Variants in SOX6 observed in about 807,000 individuals in gnomAD.
SOX6 encodes the protein transcription factor SOX-6.
A neutral mutation model predicts 97.8 loss-of-function variants in SOX6; 11 were observed. The observed-to-expected ratio is 0.11, with a 90% confidence interval of 0.07 to 0.19. SOX6 has a LOEUF of 0.19. Ranked by LOEUF, SOX6 falls within the 10% of genes least tolerant of loss-of-function variation. The pLI is 1.00. For synonymous variants in SOX6, 360 were observed against 371.4 expected (o/e 0.97, Z 0.35); for missense variants, 810 against 1,039.5 (o/e 0.78, Z 3.04).
chr11:16,657,766 C>T (rs560937643), intron 3 of SOX6, among the ~76,000 whole-genome samples: 3 of 152,206 alleles, frequency 2.0e-5, no homozygotes, highest in Admixed American at 2.0e-4. Flanking sequence ...TGTTTCTTTG[C>T]CATTTCTTCT....
chr11:16,397,281 G>T (rs1005125003), intron 1 of SOX6, among the ~76,000 whole-genome samples: 1 of 151,234 alleles, frequency 6.6e-6, no homozygotes, highest in Non-Finnish European at 1.5e-5. Flanking sequence ...ATACTTTTTA[G>T]TTACTGTCTA....
At chr11:16,107,376 G>T (rs1849113418) in intron 7 of SOX6, among the ~76,000 whole-genome samples, 1 of 142,950 alleles carries the variant, frequency 7.0e-6, no homozygotes, top group Non-Finnish European at 1.5e-5. Context: ...AACAAAATGT[G>T]ATCTGTATAC....
chr11:16,180,834 T>C (rs1851328000), intron 6 of SOX6, among the ~76,000 whole-genome samples: 2 of 151,796 alleles, frequency 1.3e-5, no homozygotes, highest in South Asian at 4.1e-4. Context: ...AAGGAAGACA[T>C]ATAAATAAAA....
At chr11:16,473,042 T>C (rs7948110) in intron 1 of SOX6, among the ~76,000 whole-genome samples, 42 of 152,110 alleles carry the variant, frequency 2.8e-4, no homozygotes, top group Non-Finnish European at 5.4e-4. Flanking sequence ...AGCACTTCTA[T>C]ATAATATATA....
At chr11:16,308,230 T>C (rs1447592863) in intron 3 of SOX6, among the ~76,000 whole-genome samples, 1 of 152,064 alleles carries the variant, frequency 6.6e-6, no homozygotes, top group African/African-American at 2.4e-5. Context: ...TCAAGCATAA[T>C]GAAAGAAAAT....
intron 3 of SOX6, among the ~76,000 whole-genome samples, chr11:16,633,235 C>T (rs918161410): frequency 6.6e-6 from 1 of 152,174 alleles, no homozygotes; most frequent in Non-Finnish European, 1.5e-5. Flanking sequence ...AGAATTTTCC[C>T]ATCAAACTGC....
chr11:16,372,412 AG>A (rs900978454), intron 1 of SOX6, among the ~76,000 whole-genome samples: 16 of 152,142 alleles, frequency 1.1e-4, no homozygotes, highest in African/African-American at 3.6e-4. Context: ...AAAGACAAAA[AG>A]AAAGAAAAAG....
intron 12 of SOX6, among the ~76,000 whole-genome samples, chr11:16,035,245 T>C (rs1855488473): frequency 6.6e-6 from 1 of 152,184 alleles, no homozygotes; most frequent in Non-Finnish European, 1.5e-5. Context: ...CCGTCTGTTA[T>C]TGCAGACAGA....
chr11:16,074,317 A>G (rs1401571493), intron 9 of SOX6, among the ~76,000 whole-genome samples: 1 of 152,174 alleles, frequency 6.6e-6, no homozygotes, highest in Non-Finnish European at 1.5e-5. Flanking sequence ...GAACATCTCT[A>G]TGCAAACAAA....
chr11:16,531,417 G>T (rs186118570), intron 4 of SOX6, among the ~76,000 whole-genome samples: 1 of 151,802 alleles, frequency 6.6e-6, no homozygotes, highest in Admixed American at 6.6e-5. Flanking sequence ...AAAGAGATGG[G>T]CATATATTTA....
chr11:16,734,429 C>T (rs1292436671), intron 2 of SOX6, among the ~76,000 whole-genome samples: 1 of 151,996 alleles, frequency 6.6e-6, no homozygotes, highest in Non-Finnish European at 1.5e-5. Context: ...ATGACACTAA[C>T]CTCTCCTTCT....
intron 3 of SOX6, among the ~76,000 whole-genome samples, chr11:16,706,481 T>A (rs1280360062): frequency 0.46 from 3,398 of 7,366 alleles, 1,193 homozygotes; most frequent in East Asian, 0.59. Flanking sequence ...AATATATATA[T>A]ATATATATAT....
At chr11:16,396,921 T>G (rs1216732580) in intron 1 of SOX6, among the ~76,000 whole-genome samples, 1 of 151,520 alleles carries the variant, frequency 6.6e-6, no homozygotes, top group African/African-American at 2.4e-5. Context: ...AAAAGCTGTC[T>G]TTAGAAAAGT....
intron 4 of SOX6, among the ~76,000 whole-genome samples, chr11:16,577,396 T>C (rs534563190): frequency 6.6e-6 from 1 of 152,332 alleles, no homozygotes; most frequent in African/African-American, 2.4e-5. Flanking sequence ...CTTTGTCCTA[T>C]GTCCTATTTC....
intron 3 of SOX6, among the ~76,000 whole-genome samples, chr11:16,633,314 C>T (rs1191552503): frequency 6.6e-6 from 1 of 152,202 alleles, no homozygotes; most frequent in African/African-American, 2.4e-5. Flanking sequence ...CAATGCTATG[C>T]TACCTGCAAA....
intron 4 of SOX6, among the ~76,000 whole-genome samples, chr11:16,561,791 G>A (rs997971268): frequency 1.3e-5 from 2 of 151,974 alleles, no homozygotes; most frequent in Admixed American, 6.6e-5. Context: ...GTGCAGTGGC[G>A]CGATCATAGC....
intron 4 of SOX6, among the ~76,000 whole-genome samples, chr11:16,211,012 T>C (rs183393419): frequency 5.9e-5 from 9 of 152,262 alleles, no homozygotes; most frequent in African/African-American, 2.2e-4. Context: ...GTGGGAATAC[T>C]TAGGAGTAGA....
chr11:16,138,820 G>A lies in SOX6; in HGVS notation c.778-26897C>T, dbSNP rs571390313. ...GCGGTGTTTGGTTTTTTGTCCTTGC[G>A]ATAGTTTGCTGAGAATGATGGTTTC... On this transcript the variant is annotated intron_variant, in intron 6 of 15. Transcript: ENST00000683767. 5.1e-4 allele frequency among the ~76,000 whole-genome samples: 78 copies of A among 151,982 alleles called. 1 individual carries two copies. Among genetic ancestry groups the A allele is most frequent in the African/African-American group, 1.8e-3 (73 of 41,446 alleles).
At chr11:16,127,020 A>T (rs1200831496) in intron 6 of SOX6, among the ~76,000 whole-genome samples, 2 of 152,108 alleles carry the variant, frequency 1.3e-5, no homozygotes, top group East Asian at 3.9e-4. Flanking sequence ...AAATACCCAT[A>T]ATGATAAATT....
Sources: allele counts gnomAD v4.1 joint callset (sites outside exome capture counted in the v4.1 genomes callset), GRCh38; gene constraint gnomAD v4.1.1; transcripts MANE v1.5; gene names NCBI Gene and HGNC (gene_info 2026-07-23, HGNC 2026-07-21).